Variants in NLGN1 observed in about 807,000 individuals in gnomAD.
The protein encoded by NLGN1 is neuroligin 1, also known as neuroligin-1.
Under a neutral mutation model 65.5 loss-of-function variants are expected in NLGN1, and 12 were observed. The observed-to-expected ratio is 0.18, with a 90% CI of 0.12 to 0.30. NLGN1 has a LOEUF of 0.30. NLGN1 is among the 10% of genes least tolerant of loss of function. NLGN1 has a pLI of 1.00. For missense variants in NLGN1, 750 were observed against 1,007.1 expected, an observed-to-expected ratio of 0.74 and a Z score of 3.46; for synonymous variants, 350 against 359.5, an observed-to-expected ratio of 0.97 and a Z score of 0.30.
At chr3:174,286,868 A>G (rs763359468), downstream of NLGN1, among the ~76,000 whole-genome samples, 4 of 151,484 alleles carry the variant, frequency 2.6e-5, no homozygotes, top group Admixed American at 6.6e-5. Flanking sequence ...ACAACTTTTC[A>G]GAAAAGAGAG....
intron 1 of NLGN1, among the ~76,000 whole-genome samples, chr3:173,422,912 T>A (rs1715368773): frequency 6.6e-6 from 1 of 152,184 alleles, no homozygotes; most frequent in African/African-American, 2.4e-5. Flanking sequence ...TAGTCCATTC[T>A]CACACTGCTA....
chr3:173,921,716 C>G (rs988551271), intron 4 of NLGN1, among the ~76,000 whole-genome samples: 1 of 152,206 alleles, frequency 6.6e-6, no homozygotes, highest in East Asian at 1.9e-4. Context: ...ACCCTCCTAG[C>G]AACGAGTATG....
chr3:173,955,125 A>T (rs1711664624), intron 4 of NLGN1, among the ~76,000 whole-genome samples: 1 of 152,216 alleles, frequency 6.6e-6, no homozygotes, highest in Non-Finnish European at 1.5e-5. Context: ...ATGAACACAG[A>T]AATTTGATAT....
intron 3 of NLGN1, among the ~76,000 whole-genome samples, chr3:173,805,190 G>A (rs1265020552): frequency 6.6e-6 from 1 of 152,054 alleles, no homozygotes; most frequent in Non-Finnish European, 1.5e-5. Flanking sequence ...AATTTTACCT[G>A]TTTTAGTAAG....
chr3:173,575,045 G>A (rs535671974), intron 2 of NLGN1, among the ~76,000 whole-genome samples: 6 of 152,082 alleles, frequency 3.9e-5, no homozygotes, highest in South Asian at 4.2e-4. Context: ...CCACCATGCC[G>A]GGCTATTTTT....
intron 4 of NLGN1, among the ~76,000 whole-genome samples, chr3:174,091,851 A>T (rs1744578859): frequency 6.6e-6 from 1 of 152,156 alleles, no homozygotes; most frequent in Non-Finnish European, 1.5e-5. Flanking sequence ...GTAGGCTTTG[A>T]TTATTTTACT....
intron 2 of NLGN1, among the ~76,000 whole-genome samples, chr3:173,560,559 G>T (rs762891110): frequency 1.3e-5 from 2 of 151,606 alleles, no homozygotes; most frequent in African/African-American, 4.8e-5. Flanking sequence ...TCAAATACCC[G>T]TCTATTTTAG....
intron 3 of NLGN1, among the ~76,000 whole-genome samples, chr3:173,799,073 C>T (rs769801963): frequency 6.6e-6 from 1 of 151,926 alleles, no homozygotes; most frequent in African/African-American, 2.4e-5. Flanking sequence ...TGCTTCTTTA[C>T]TATTTATATT....
chr3:174,134,690 C>G (rs1052499893), intron 4 of NLGN1, among the ~76,000 whole-genome samples: 1 of 152,116 alleles, frequency 6.6e-6, no homozygotes, highest in Non-Finnish European at 1.5e-5. Context: ...AGATAAATGA[C>G]TTGAAGCTGG....
intron 3 of NLGN1, among the ~76,000 whole-genome samples, chr3:173,673,423 T>C (rs540754664): frequency 3.9e-5 from 6 of 152,182 alleles, no homozygotes; most frequent in Admixed American, 6.6e-5. Flanking sequence ...CATTAGAGTA[T>C]ACATTAAAAG....
intron 4 of NLGN1, among the ~76,000 whole-genome samples, chr3:173,852,153 G>A (rs1462274437): frequency 3.3e-5 from 5 of 151,230 alleles, no homozygotes; most frequent in East Asian, 2.0e-4. Context: ...TCAGGAGATC[G>A]AGACCATCCT....
chr3:173,797,507 T>A, intron 3 of NLGN1, among the ~76,000 whole-genome samples: 1 of 151,938 alleles, frequency 6.6e-6, no homozygotes, highest in Non-Finnish European at 1.5e-5. Flanking sequence ...GATAATCATA[T>A]CCCCATGATG....
chr3:174,094,167 T>C (rs1745028046), intron 4 of NLGN1, among the ~76,000 whole-genome samples: 1 of 152,200 alleles, frequency 6.6e-6, no homozygotes, highest in African/African-American at 2.4e-5. Flanking sequence ...CTTAAACTGT[T>C]TATTTACTTT....
chr3:174,267,569 G>C (rs1004706430), intron 4 of NLGN1, among the ~76,000 whole-genome samples: 2 of 152,134 alleles, frequency 1.3e-5, no homozygotes, highest in South Asian at 4.2e-4. Context: ...ATAGCCTACT[G>C]GGCCACATGT....
intron 4 of NLGN1, among the ~76,000 whole-genome samples, chr3:174,223,485 G>C (rs1364841027): frequency 6.6e-6 from 1 of 151,628 alleles, no homozygotes; most frequent in African/African-American, 2.4e-5. Context: ...GCTTAATATT[G>C]GTATTCTCTA....
At chr3:174,003,031 G>T (rs1560818969) in intron 4 of NLGN1, among the ~76,000 whole-genome samples, 1 of 152,146 alleles carries the variant, frequency 6.6e-6, no homozygotes, top group Non-Finnish European at 1.5e-5. Flanking sequence ...ACCAAAGGAA[G>T]ATAGCAGAAA....
intron 4 of NLGN1, among the ~76,000 whole-genome samples, chr3:174,151,487 T>C (rs1724340742): frequency 6.6e-6 from 1 of 152,178 alleles, no homozygotes; most frequent in Admixed American, 6.6e-5. Flanking sequence ...CTTGCATTTC[T>C]CTGAAATGTT....
In NLGN1 at chr3:173,422,286, A is replaced by G. The variant is rs149827361; in HGVS notation, c.-389-12724A>G. ...AGCCAGGCACAGAAAGACAAATATC[A>G]CATGTACTTACTCATACGTGAGAGC... On this transcript the variant is annotated intron_variant, in intron 1 of 6. Transcript: ENST00000457714. Among the ~76,000 whole-genome samples, 9 of 152,284 alleles carry G rather than the reference A, an allele frequency of 5.9e-5. No individual in the cohort carries two copies. In the East Asian group the frequency reaches 7.7e-4, roughly 13 times the overall value.
rs80014132 is a variant in NLGN1 at position 173,790,952 on chromosome 3, T to C, written c.494-16728T>C. Among the ~76,000 whole-genome samples the C allele has an allele frequency of 4.5e-3, 689 of 152,292 alleles. 5 individuals carry two copies. Among genetic ancestry groups the C allele is most frequent in the African/African-American group, 0.016 (648 of 41,572 alleles). Reference sequence around the variant, plus strand: ...TATATATCTGTCTCTAAGCCCTTTATGACACAGACAAATTATCAATTAGTA... The same window carrying C: ...TATATATCTGTCTCTAAGCCCTTTACGACACAGACAAATTATCAATTAGTA... On this transcript the variant is annotated intron_variant, in intron 3 of 6. Coordinates refer to ENST00000457714, the Ensembl canonical transcript of NLGN1.
Sources: allele counts gnomAD v4.1 joint callset (sites outside exome capture counted in the v4.1 genomes callset), GRCh38; gene constraint gnomAD v4.1.1; transcripts MANE v1.5; gene names NCBI Gene and HGNC (gene_info 2026-07-23, HGNC 2026-07-21).